The following PPARGC1A variants were observed in gnomAD, a reference collection of about 807,000 sequenced individuals.
The protein encoded by PPARGC1A is PPARG coactivator 1 alpha.
A neutral mutation model predicts 88.7 loss-of-function variants in PPARGC1A; 25 were observed. That is an observed-to-expected ratio of 0.28 (90% CI 0.21 to 0.39). The LOEUF (loss-of-function observed/expected upper bound fraction) is 0.39, where lower values mean the gene tolerates loss of function less well. Ranked by LOEUF, PPARGC1A falls within the 10% of genes least tolerant of loss-of-function variation. The pLI is 1.00. For synonymous variants in PPARGC1A, 363 were observed against 355.6 expected (o/e 1.02, Z -0.24); for missense variants, 880 against 968.7 (o/e 0.91, Z 1.22).
At chr4:23,825,368 A>T (rs1296274565) in intron 5 of PPARGC1A, 1 of 152,104 alleles carries the variant, frequency 6.6e-6, no homozygotes, top group African/African-American at 2.4e-5. Context: ...ATGTAGGTTT[A>T]TGTCAATTTT....
At chr4:24,159,169 T>A in the PPARGC1A span, among the ~76,000 whole-genome samples, 1 of 151,984 alleles carries the variant, frequency 6.6e-6, no homozygotes, top group Non-Finnish European at 1.5e-5. Flanking sequence ...ATCAGACCTA[T>A]TTTATACATA....
the PPARGC1A span, among the ~76,000 whole-genome samples, chr4:24,437,904 T>C: frequency 6.6e-6 from 1 of 152,140 alleles, no homozygotes; most frequent in Non-Finnish European, 1.5e-5. Flanking sequence ...CTCGAACTCC[T>C]GACCACAGGT....
intron 2 of PPARGC1A, among the ~76,000 whole-genome samples, chr4:23,846,698 A>C (rs1728387295): frequency 6.6e-6 from 1 of 152,140 alleles, no homozygotes; most frequent in Non-Finnish European, 1.5e-5. Flanking sequence ...CACTGGGGAT[A>C]TAGCGATGAA....
intron 2 of PPARGC1A, among the ~76,000 whole-genome samples, chr4:23,848,218 C>A (rs1728656238): frequency 6.6e-6 from 1 of 152,154 alleles, no homozygotes; most frequent in African/African-American, 2.4e-5. Context: ...ATCATTCAAG[C>A]AATATTTACT....
the PPARGC1A span, among the ~76,000 whole-genome samples, chr4:24,284,177 C>T: frequency 6.7e-6 from 1 of 150,040 alleles, no homozygotes; most frequent in Non-Finnish European, 1.5e-5. Context: ...GGCAGGGGGG[C>T]ACCTGTAATC....
the PPARGC1A span, among the ~76,000 whole-genome samples, chr4:24,054,465 G>A: frequency 6.6e-6 from 1 of 152,152 alleles, no homozygotes. Context: ...TTATGCTTAT[G>A]CATGTCCATT....
the PPARGC1A span, among the ~76,000 whole-genome samples, chr4:24,445,805 C>T: frequency 2.0e-5 from 3 of 152,296 alleles, no homozygotes; most frequent in East Asian, 1.9e-4. Context: ...CAGTGGTTCA[C>T]GCCTCTAATC....
the PPARGC1A span, among the ~76,000 whole-genome samples, chr4:24,314,397 T>G: frequency 1.3e-5 from 2 of 152,312 alleles, no homozygotes; most frequent in Middle Eastern, 3.4e-3. Flanking sequence ...GGGAACTAAC[T>G]TAGTCCCTCT....
In PPARGC1A at chr4:23,890,018, C is replaced by T; in HGVS notation, c.-61G>A. On this transcript the variant is annotated 5_prime_UTR_variant, in exon 1 of 13. In the 5' UTR this introduces an upstream ATG that the reference lacks. Coordinates refer to ENST00000264867, the MANE Select transcript of PPARGC1A (RefSeq NM_013261.5). ...CTCCAATCCACAGTGACACAGAGCACACACTCATGCAGGCAACCAGCCCCT... is the reference window on the plus strand; with the variant it reads ...CTCCAATCCACAGTGACACAGAGCATACACTCATGCAGGCAACCAGCCCCT... 2 of 1,607,818 alleles carry T rather than the reference C, an allele frequency of 1.2e-6. No homozygotes were observed. Among genetic ancestry groups the T allele is most frequent in the Middle Eastern group, 1.7e-4 (1 of 6,022 alleles).
intron 5 of PPARGC1A, among the ~76,000 whole-genome samples, chr4:23,826,787 C>G (rs1162522771): frequency 1.3e-5 from 2 of 151,968 alleles, no homozygotes; most frequent in Non-Finnish European, 1.5e-5. Context: ...CAAATACAGC[C>G]AGTCTCATCT....
At chr4:23,849,944 T>C (rs948809166) in intron 2 of PPARGC1A, among the ~76,000 whole-genome samples, 2 of 151,970 alleles carry the variant, frequency 1.3e-5, no homozygotes, top group African/African-American at 4.8e-5. Context: ...TAATGTCGTA[T>C]AATTATTTAA....
At chr4:24,426,313 G>A in the PPARGC1A span, among the ~76,000 whole-genome samples, 1 of 152,104 alleles carries the variant, frequency 6.6e-6, no homozygotes, top group African/African-American at 2.4e-5. Flanking sequence ...ATTTAAAGGG[G>A]AAGAAAAACA....
At chr4:23,958,563 G>A in the PPARGC1A span, among the ~76,000 whole-genome samples, 1 of 151,966 alleles carries the variant, frequency 6.6e-6, no homozygotes, top group Non-Finnish European at 1.5e-5. Context: ...TTGCCTTAAT[G>A]GTATCAATTT....
At chr4:24,029,157 A>G in the PPARGC1A span, among the ~76,000 whole-genome samples, 1 of 152,202 alleles carries the variant, frequency 6.6e-6, no homozygotes, top group African/African-American at 2.4e-5. Context: ...ATTCAAGGAC[A>G]TAGGATGCTG....
At chr4:23,960,216 G>A in the PPARGC1A span, among the ~76,000 whole-genome samples, 2 of 152,068 alleles carry the variant, frequency 1.3e-5, no homozygotes, top group African/African-American at 4.8e-5. Context: ...ATCAGTAACA[G>A]TTTTGTTGCT....
At chr4:24,460,837 T>C in the PPARGC1A span, among the ~76,000 whole-genome samples, 9 of 152,236 alleles carry the variant, frequency 5.9e-5, no homozygotes, top group African/African-American at 1.9e-4. Flanking sequence ...ACAAAAAGTT[T>C]GGTAATTTAT....
the PPARGC1A span, among the ~76,000 whole-genome samples, chr4:24,333,019 ATCATTTGAGGTCAGGAGT>A: frequency 6.6e-6 from 1 of 152,208 alleles, no homozygotes; most frequent in African/African-American, 2.4e-5. Flanking sequence ...AGGCGGGCAG[ATCATTTGAGGTCAGGAGT>A]TCGAGACCAG....
At chr4:23,811,383 T>C (rs1417333535) in intron 10 of PPARGC1A, among the ~76,000 whole-genome samples, 1 of 152,234 alleles carries the variant, frequency 6.6e-6, no homozygotes, top group East Asian at 1.9e-4. Flanking sequence ...TGTCAAAAGC[T>C]GATCTTCACT....
chr4:23,870,659 T>C (rs545951894), intron 2 of PPARGC1A, among the ~76,000 whole-genome samples: 7 of 152,314 alleles, frequency 4.6e-5, no homozygotes, highest in African/African-American at 1.7e-4. Context: ...TGAAGAAGTG[T>C]ATCTGGGAAT....
Sources: allele counts gnomAD v4.1 joint callset (sites outside exome capture counted in the v4.1 genomes callset), GRCh38; gene constraint gnomAD v4.1.1; transcripts MANE v1.5; gene names NCBI Gene and HGNC (gene_info 2026-07-23, HGNC 2026-07-21).